Variants in SMIM35 observed in about 807,000 individuals in gnomAD.
SMIM35 encodes small integral membrane protein 35, also known as TMPRSS4 antisense RNA 1 (non-protein coding).
At chr11:118,045,352 A>G (rs970698196) in intron 1 of SMIM35, among the ~76,000 whole-genome samples, 1 of 151,788 alleles carries the variant, frequency 6.6e-6, no homozygotes, top group Non-Finnish European at 1.5e-5. Context: ...ACACACACAC[A>G]CACACACACT....
chr11:118,054,843 A>G (rs1396592925), intron 1 of SMIM35, among the ~76,000 whole-genome samples: 1 of 139,458 alleles, frequency 7.2e-6, no homozygotes, highest in Non-Finnish European at 1.5e-5. Flanking sequence ...TTGTTCTGTT[A>G]CCCAGGCTGG....
chr11:118,048,089 T>C (rs1944132288), intron 1 of SMIM35, among the ~76,000 whole-genome samples: 1 of 152,210 alleles, frequency 6.6e-6, no homozygotes, highest in African/African-American at 2.4e-5. Context: ...AGGAGCCATT[T>C]ATTGTTTTAA....
At chr11:118,006,820 AT>A (rs758176340) in intron 4 of SMIM35, among the ~76,000 whole-genome samples, 2 of 152,016 alleles carry the variant, frequency 1.3e-5, no homozygotes, top group African/African-American at 2.4e-5. Flanking sequence ...CTTCCCTGCA[AT>A]TTTCACCCTA....
At chr11:118,026,794 C>T (rs2058277691) in intron 1 of SMIM35, among the ~76,000 whole-genome samples, 1 of 151,656 alleles carries the variant, frequency 6.6e-6, no homozygotes, top group Admixed American at 6.6e-5. Flanking sequence ...ACAGTGAGAC[C>T]CTGTTTCTTT....
At chr11:118,020,760 C>T (rs7929257) in intron 1 of SMIM35, among the ~76,000 whole-genome samples, 14,612 of 151,968 alleles carry the variant, frequency 0.096, 977 homozygotes, top group East Asian at 0.37. Flanking sequence ...TTATATTGTC[C>T]GCAAATAAAG....
chr11:118,043,519 A>T (rs2135084093), intron 1 of SMIM35, among the ~76,000 whole-genome samples: 1 of 152,298 alleles, frequency 6.6e-6, no homozygotes, highest in East Asian at 1.9e-4. Context: ...CTATAGAGAA[A>T]GAAAGTAGAG....
intron 1 of SMIM35, among the ~76,000 whole-genome samples, chr11:118,029,205 T>A (rs1010971849): frequency 2.6e-5 from 4 of 152,130 alleles, no homozygotes; most frequent in African/African-American, 7.2e-5. Context: ...CTTACACCTA[T>A]AATCCCAGCA....
At chr11:118,075,974 A>C (rs973448714) in intron 1 of SMIM35, among the ~76,000 whole-genome samples, 1 of 152,242 alleles carries the variant, frequency 6.6e-6, no homozygotes, top group Non-Finnish European at 1.5e-5. Flanking sequence ...GTGAATCAGA[A>C]ATGATCCTGT....
chr11:118,064,892 G>C (rs1311593868), intron 1 of SMIM35, among the ~76,000 whole-genome samples: 3 of 152,170 alleles, frequency 2.0e-5, no homozygotes, highest in South Asian at 2.1e-4. Context: ...CGATATACCC[G>C]CCTGGCGGAA....
chr11:118,078,605 C>T (rs1043382293), intron 1 of SMIM35, among the ~76,000 whole-genome samples: 1 of 152,268 alleles, frequency 6.6e-6, no homozygotes, highest in African/African-American at 2.4e-5. Context: ...GACGCTGTAT[C>T]CCCTGGGGCT....
chr11:118,025,356 CA>C (rs2058266254), intron 1 of SMIM35: 1 of 352,800 alleles, frequency 2.8e-6, no homozygotes, highest in African/African-American at 2.1e-5. Context: ...CTGCTTTCCA[CA>C]GTGACTGAAC....
chr11:118,073,032 C>T (rs1162601337), intron 1 of SMIM35, among the ~76,000 whole-genome samples: 2 of 152,244 alleles, frequency 1.3e-5, no homozygotes, highest in South Asian at 2.1e-4. Context: ...ATTCTCCTGC[C>T]TCAACCTCCT....
intron 1 of SMIM35, among the ~76,000 whole-genome samples, chr11:118,053,190 C>T (rs1324040901): frequency 6.6e-6 from 1 of 152,168 alleles, no homozygotes; most frequent in Non-Finnish European, 1.5e-5. Flanking sequence ...CGCCTATAAT[C>T]CCAGCTACTT....
chr11:118,039,140 T>C (rs903396180), intron 1 of SMIM35, among the ~76,000 whole-genome samples: 1 of 152,112 alleles, frequency 6.6e-6, no homozygotes, highest in African/African-American at 2.4e-5. Flanking sequence ...GGCTGCCATG[T>C]GTAGAATAAA....
intron 4 of SMIM35, among the ~76,000 whole-genome samples, chr11:118,009,193 C>T (rs538068000): frequency 1.5e-4 from 23 of 152,170 alleles, no homozygotes; most frequent in Non-Finnish European, 2.8e-4. Flanking sequence ...GGCTCCTGAG[C>T]GCCCTTCTCA....
At chr11:118,033,785 C>T (rs536975059) in intron 1 of SMIM35, among the ~76,000 whole-genome samples, 1 of 152,264 alleles carries the variant, frequency 6.6e-6, no homozygotes, top group East Asian at 1.9e-4. Context: ...TTCTACAATC[C>T]TTTGGCAATA....
In SMIM35 at chr11:118,044,524, G is replaced by C. The variant is rs577724939; in HGVS notation, c.8-28715C>G. Among the ~76,000 whole-genome samples the C allele has an allele frequency of 2.6e-5, 4 of 152,122 alleles. No homozygotes were observed. In the South Asian group the frequency reaches 8.3e-4, roughly 32 times the overall value. On this transcript the variant is annotated intron_variant, in intron 1 of 4. Transcript: ENST00000689828. Reference sequence around the variant, plus strand: ...CCCATTTAAAGTTCCTTCTAGGATGGGTGCGGTGATTCATGCCTGTAATCC... The same window carrying C: ...CCCATTTAAAGTTCCTTCTAGGATGCGTGCGGTGATTCATGCCTGTAATCC...
intron 1 of SMIM35, among the ~76,000 whole-genome samples, chr11:118,017,652 G>A (rs2058193914): frequency 1.3e-5 from 2 of 152,194 alleles, no homozygotes; most frequent in South Asian, 2.1e-4. Context: ...AGACCTAAAG[G>A]AGGTGTATTA....
intron 1 of SMIM35, among the ~76,000 whole-genome samples, chr11:118,032,350 A>G (rs1436325168): frequency 1.3e-5 from 2 of 152,210 alleles, no homozygotes; most frequent in African/African-American, 4.8e-5. Context: ...TAGGAAATAC[A>G]TTCTAGAGTA....
Sources: allele counts gnomAD v4.1 joint callset (sites outside exome capture counted in the v4.1 genomes callset), GRCh38; gene constraint gnomAD v4.1.1; transcripts MANE v1.5; gene names NCBI Gene and HGNC (gene_info 2026-07-23, HGNC 2026-07-21).